The following MROH1 variants were observed in gnomAD, a reference collection of about 807,000 sequenced individuals.
MROH1 encodes the protein maestro heat-like repeat-containing protein family member 1.
In MROH1, 117 loss-of-function variants were observed where a neutral mutation model predicts 116.5. The ratio of observed to expected loss-of-function variants is 1.00; its 90% confidence interval spans 0.86 to 1.17. The LOEUF (loss-of-function observed/expected upper bound fraction) is 1.17. MROH1 is among the 50% of genes most tolerant of loss of function. The pLI, the probability that MROH1 is intolerant of heterozygous loss-of-function variation, is 0.00. For missense variants in MROH1, 1,873 were observed against 1,338.5 expected, an observed-to-expected ratio of 1.40 and a Z score of -6.23; for synonymous variants, 921 against 583.9, an observed-to-expected ratio of 1.58 and a Z score of -8.32.
At position 144,182,311 on chromosome 8, in the gene MROH1, C is replaced by CG. The variant is rs1219311701; in HGVS notation, c.562+1788_562+1789insG. On this transcript the variant is annotated intron_variant, in intron 7 of 43. Coordinates refer to ENST00000326134, the MANE Select transcript of MROH1 (RefSeq NM_032450.3). The surrounding 1 kb of genome is among the most constrained non-coding windows in gnomAD (Gnocchi z 4.1). ...AAGACTCCCAGTGGTGGAGGCACGG[C>CG]TGGCCTGGCCACGCCGTCCAGCAGG... Among the ~76,000 whole-genome samples, 4 of 152,242 alleles carry CG rather than the reference C, an allele frequency of 2.6e-5. No homozygotes were observed. Among genetic ancestry groups the CG allele is most frequent in the African/African-American group, 9.6e-5 (4 of 41,474 alleles).
chr8:144,254,214 T>C (rs1326136964), intron 33 of MROH1, among the ~76,000 whole-genome samples: 1 of 152,248 alleles, frequency 6.6e-6, no homozygotes, highest in Non-Finnish European at 1.5e-5. Context: ...TTACTGTTTC[T>C]CTCTTCTACT....
chr8:144,261,008 C>A lies in MROH1; in HGVS notation c.4638C>A (p.Phe1546Leu). The A allele has an allele frequency of 2.0e-6, 1 of 496,494 alleles. No individual in the cohort carries two copies. Among genetic ancestry groups the A allele is most frequent in the South Asian group, 1.4e-5 (1 of 70,696 alleles). The allele number at this position is 496,494 out of a possible 1,614,324, so 30.8% of individuals were successfully genotyped here. The change falls in exon 41 of 44, where the codon TTC becomes TTA. Residue 1546 changes from phenylalanine to leucine, a missense_variant. Physicochemically the swap from Phe to Leu is conservative, Grantham distance 22. Coordinates refer to ENST00000326134, the MANE Select transcript of MROH1 (RefSeq NM_032450.3). ...TGCAGGAGGGCCGAGCCCTGCACTT[C>A]GGGGAGTTCCTCAACACCACCTGCA... is the stretch of plus-strand genomic sequence containing the variant. ...KHLQEGRALH[F>L]GEFLNTTCKH... is the part of the protein sequence containing the mutation.
chr8:144,176,897 G>A (rs1278069074), intron 4 of MROH1, among the ~76,000 whole-genome samples: 1 of 152,136 alleles, frequency 6.6e-6, no homozygotes, highest in Non-Finnish European at 1.5e-5. Flanking sequence ...GAAGCCTTAA[G>A]GGAAAGGGAG....
At chr8:144,171,921 A>G (rs1259467563) in intron 4 of MROH1, among the ~76,000 whole-genome samples, 1 of 152,190 alleles carries the variant, frequency 6.6e-6, no homozygotes, top group African/African-American at 2.4e-5. Flanking sequence ...CGACAGACAG[A>G]AAGGAGATTG....
chr8:144,213,181 C>G, intron 12 of MROH1: 1 of 728,152 alleles, frequency 1.4e-6, no homozygotes, highest in South Asian at 1.4e-5. Flanking sequence ...GTTGGTTCTG[C>G]GGGCGACTGC....
At chr8:144,239,421 C>T (rs1224867114) in intron 17 of MROH1, 58 bp downstream of exon 17, 3 of 780,180 alleles carry the variant, frequency 3.8e-6, no homozygotes, top group Non-Finnish European at 7.2e-6. Context: ...CTGTGCTCCA[C>T]CCAGGCTTGG....
At chr8:144,185,467 A>G (rs1826731989) in intron 7 of MROH1, among the ~76,000 whole-genome samples, 1 of 150,390 alleles carries the variant, frequency 6.6e-6, no homozygotes, top group African/African-American at 2.5e-5. Flanking sequence ...AAACAAGCCA[A>G]GTGGTAAACA....
In MROH1 at chr8:144,255,632, C is replaced by A. The variant is rs972442923; in HGVS notation, c.3718C>A (p.Pro1240Thr). The change falls in exon 35 of 44, where the codon CCC becomes ACC. Residue 1240 changes from proline to threonine, a missense_variant. Physicochemically the swap from Pro to Thr is conservative, Grantham distance 38. Transcript: ENST00000326134. ...RVSCTVGVQL[P>T]RNLQAQERRG... The stretch of plus-strand genomic sequence containing the variant: ...CAGCTGCACCGTGGGTGTCCAGCTG[C>A]CCCGGAACCTGCAGGCCCAGGAAAG... 2 of 774,834 alleles carry A rather than the reference C, an allele frequency of 2.6e-6. No individual in the cohort carries two copies. The highest frequency in any genetic ancestry group is 1.7e-5 in the Admixed American group (1 of 58,374). The allele number at this position is 774,834 out of a possible 1,614,324, so 48.0% of individuals were successfully genotyped here. A position where few individuals can be genotyped will look rare whatever the true frequency, so the allele number is the denominator to read the frequency against.
chr8:144,244,614 T>G (rs911102462), intron 28 of MROH1, 75 bp downstream of exon 28: 17 of 713,994 alleles, frequency 2.4e-5, no homozygotes, highest in Non-Finnish European at 3.6e-5. Flanking sequence ...TGGCCCTCTC[T>G]CCACATGTGG....
At chr8:144,234,225 G>A (rs548677287) in intron 14 of MROH1, among the ~76,000 whole-genome samples, 1 of 152,000 alleles carries the variant, frequency 6.6e-6, no homozygotes, top group African/African-American at 2.4e-5. Context: ...TAGCCAGGAC[G>A]GTCTCGATCT....
At chr8:144,168,845 C>T (rs887663404) in intron 4 of MROH1, among the ~76,000 whole-genome samples, 1 of 152,204 alleles carries the variant, frequency 6.6e-6, no homozygotes, top group African/African-American at 2.4e-5. Context: ...CAGAGAGTCC[C>T]CAAGGGCCCG....
rs553135937 is a variant in MROH1 at position 144,207,313 on chromosome 8, A to G, written c.1141+6772A>G. Among the ~76,000 whole-genome samples, 304 of 151,636 alleles carry G rather than the reference A, an allele frequency of 2.0e-3. 1 individual carries two copies. The highest frequency in any genetic ancestry group is 6.8e-3 in the African/African-American group (283 of 41,350). On this transcript the variant is annotated intron_variant, in intron 12 of 43. Coordinates refer to ENST00000326134, the MANE Select transcript of MROH1 (RefSeq NM_032450.3). Reference sequence around the variant, plus strand: ...AGCAATTCTCCTGCCTCAGCCTCCCAAGTAGCTAGGACTACAGGCGCTCAC... The same window carrying G: ...AGCAATTCTCCTGCCTCAGCCTCCCGAGTAGCTAGGACTACAGGCGCTCAC...
chr8:144,171,438 G>C (rs148604075), intron 4 of MROH1, among the ~76,000 whole-genome samples: 1 of 152,230 alleles, frequency 6.6e-6, no homozygotes, highest in Non-Finnish European at 1.5e-5. Context: ...AGGCACCTGC[G>C]TGGGTTCCGC....
intron 32 of MROH1, 134 bp downstream of exon 32, chr8:144,249,163 G>T (rs1842420665): frequency 3.0e-6 from 2 of 666,338 alleles, no homozygotes; most frequent in Non-Finnish European, 5.5e-6. Flanking sequence ...GCTGGCCCTG[G>T]CCTGTCCTGG....
chr8:144,179,005 C>T (rs998930701), intron 4 of MROH1, among the ~76,000 whole-genome samples: 5 of 151,540 alleles, frequency 3.3e-5, no homozygotes, highest in South Asian at 2.1e-4. Context: ...TGGTGGGTGG[C>T]GTTTTTCCTT....
intron 1 of MROH1, among the ~76,000 whole-genome samples, chr8:144,155,067 CG>C (rs1489116938): frequency 1.3e-5 from 2 of 152,130 alleles, no homozygotes; most frequent in African/African-American, 4.8e-5. Flanking sequence ...CCACCCACCT[CG>C]GCGTCCTAAA....
At chr8:144,181,673 C>T (rs955063931) in intron 7 of MROH1, among the ~76,000 whole-genome samples, 1 of 152,148 alleles carries the variant, frequency 6.6e-6, no homozygotes, top group Non-Finnish European at 1.5e-5. Context: ...AGGATGGGGG[C>T]AGCTGCATAC....
chr8:144,223,589 C>T (rs906454762), intron 14 of MROH1, among the ~76,000 whole-genome samples: 10 of 152,188 alleles, frequency 6.6e-5, no homozygotes, highest in Non-Finnish European at 2.9e-5. Flanking sequence ...GCTCCCAGGA[C>T]TCAGAACGCA....
At chr8:144,229,247 C>T (rs1322833115) in intron 14 of MROH1, among the ~76,000 whole-genome samples, 1 of 152,200 alleles carries the variant, frequency 6.6e-6, no homozygotes, top group Non-Finnish European at 1.5e-5. Flanking sequence ...TTGTTGACCT[C>T]TTCCCATGAA....
Sources: gnomAD v4.1 joint callset for allele counts (sites outside exome capture counted in the v4.1 genomes callset) on GRCh38, gnomAD v4.1.1 for gene constraint, Gnocchi (gnomAD v3.1) non-coding constraint, MANE v1.5 for transcripts, NCBI Gene and HGNC (gene_info 2026-07-23, HGNC 2026-07-21) for gene names.